ATP6V1H: variants seen among roughly 807,000 people sequenced by gnomAD.
ATP6V1H encodes V-type proton ATPase subunit H.
A neutral mutation model predicts 71.7 loss-of-function variants in ATP6V1H; 39 were observed. The observed-to-expected ratio is 0.54, with a 90% CI of 0.42 to 0.71. The LOEUF (loss-of-function observed/expected upper bound fraction) is 0.71, where lower values mean the gene tolerates loss of function less well. Ranked by LOEUF, ATP6V1H falls within the 30% of genes least tolerant of loss-of-function variation. ATP6V1H has a pLI of 0.00. For missense variants in ATP6V1H, 509 were observed against 594.9 expected (o/e 0.86, Z 1.50); for synonymous variants, 192 against 199.3 (o/e 0.96, Z 0.31).
At chr8:53,792,057 C>G (rs991956333) in intron 9 of ATP6V1H, among the ~76,000 whole-genome samples, 4 of 152,282 alleles carry the variant, frequency 2.6e-5, no homozygotes, top group Admixed American at 6.5e-5. Flanking sequence ...TACTAAAATA[C>G]TCCAAAGTAA....
intron 12 of ATP6V1H, among the ~76,000 whole-genome samples, chr8:53,750,773 T>C (rs761175716): frequency 6.6e-6 from 1 of 151,674 alleles, no homozygotes; most frequent in Non-Finnish European, 1.5e-5. Context: ...ATGACAAACA[T>C]GTTCTTAGAG....
chr8:53,830,800 C>T (rs962145451), intron 3 of ATP6V1H, among the ~76,000 whole-genome samples: 8 of 152,164 alleles, frequency 5.3e-5, no homozygotes, highest in Non-Finnish European at 8.8e-5. Flanking sequence ...AAAGTCTTGT[C>T]TTATTAACAC....
At chr8:53,818,977 G>A (rs530852046) in intron 4 of ATP6V1H, among the ~76,000 whole-genome samples, 1 of 152,060 alleles carries the variant, frequency 6.6e-6, no homozygotes, top group Non-Finnish European at 1.5e-5. Context: ...GAGGCCAAGT[G>A]GGAGGGCTGC....
intron 7 of ATP6V1H, among the ~76,000 whole-genome samples, chr8:53,802,466 C>T (rs1809944271): frequency 1.3e-5 from 2 of 152,208 alleles, no homozygotes; most frequent in Admixed American, 1.3e-4. Flanking sequence ...TGCCTGTAAT[C>T]CTACCACTTT....
intron 13 of ATP6V1H, among the ~76,000 whole-genome samples, chr8:53,717,094 T>C (rs1464356311): frequency 6.6e-6 from 1 of 152,196 alleles, no homozygotes; most frequent in Non-Finnish European, 1.5e-5. Flanking sequence ...GCCTATCAAC[T>C]GTGTGAGCAT....
intron 4 of ATP6V1H, among the ~76,000 whole-genome samples, chr8:53,828,618 C>T (rs1281815957): frequency 6.6e-6 from 1 of 152,142 alleles, no homozygotes; most frequent in Non-Finnish European, 1.5e-5. Flanking sequence ...ATTGATCCTT[C>T]CTCACATTAT....
intron 11 of ATP6V1H, among the ~76,000 whole-genome samples, chr8:53,758,199 A>C (rs1324162204): frequency 6.6e-6 from 1 of 152,226 alleles, no homozygotes; most frequent in Non-Finnish European, 1.5e-5. Flanking sequence ...ATTCAACTGA[A>C]ACATTTTGAT....
At position 53,715,889 on chromosome 8, in the gene ATP6V1H, T is replaced by C; in HGVS notation, c.*75A>G. The stretch of plus-strand genomic sequence containing the variant: ...AAATTCCAAGTAAAATCAAACAGTG[T>C]TCACTCTTAACTCTAAACACAGTGC... On this transcript the variant is annotated 3_prime_UTR_variant, in exon 14 of 14. Transcript: ENST00000359530. 1 of 1,279,838 alleles carries C rather than the reference T, an allele frequency of 7.8e-7. No individual in the cohort carries two copies. Among genetic ancestry groups the C allele is most frequent in the Non-Finnish European group, 1.1e-6 (1 of 917,668 alleles). 79.3% of individuals were successfully genotyped at this position (1,279,838 alleles called of 1,614,324 possible).
intron 7 of ATP6V1H, among the ~76,000 whole-genome samples, chr8:53,806,219 A>G (rs1472744845): frequency 1.3e-5 from 2 of 152,114 alleles, no homozygotes; most frequent in Non-Finnish European, 2.9e-5. Flanking sequence ...TCTCGTTAGC[A>G]AAGGAAAAGA....
At chr8:53,779,717 T>C (rs1409493982) in intron 9 of ATP6V1H, among the ~76,000 whole-genome samples, 1 of 152,160 alleles carries the variant, frequency 6.6e-6, no homozygotes, top group East Asian at 1.9e-4. Context: ...CTTATTTCTC[T>C]ACTAAACTTT....
At position 53,772,061 on chromosome 8, in the gene ATP6V1H, T is replaced by C. The variant is rs1440164315; in HGVS notation, c.977A>G (p.Tyr326Cys). 1.2e-6 allele frequency: 2 copies of C among 1,614,152 alleles called. No homozygotes were observed. The highest frequency in any genetic ancestry group is 8.5e-7 in the Non-Finnish European group (1 of 1,179,996). ...ATCTTCGCTGATATCTTCATCATCG[T>C]ACTTCTGCTGTTCCAAGTTCTCCAA... ...KQLENLEQQK[Y>C]DDEDISEDIK... The change falls in exon 10 of 14, where the codon TAC becomes TGC. Residue 326 changes from tyrosine (Y) to cysteine (C), a missense_variant. By Grantham distance (194) the Tyr-to-Cys change is radical. Transcript: ENST00000359530.
chr8:53,841,758 C>T (rs899804617), intron 1 of ATP6V1H, 33 bp from the exon 2 acceptor site: 21 of 1,566,438 alleles, frequency 1.3e-5, no homozygotes, highest in South Asian at 2.4e-5. Context: ...AAACAGAATA[C>T]GAGGTGTTTC....
At chr8:53,821,310 T>G (rs1274966754) in intron 4 of ATP6V1H, among the ~76,000 whole-genome samples, 1 of 148,578 alleles carries the variant, frequency 6.7e-6, no homozygotes, top group East Asian at 2.0e-4. Context: ...GAGGTGGAGG[T>G]TGCAGTGGGC....
chr8:53,812,400 T>G (rs1810306386), intron 6 of ATP6V1H, among the ~76,000 whole-genome samples: 1 of 152,258 alleles, frequency 6.6e-6, no homozygotes, highest in Non-Finnish European at 1.5e-5. Flanking sequence ...ATGAAAACTA[T>G]TCTAGACATT....
chr8:53,725,327 C>A (rs1200028077), intron 13 of ATP6V1H, among the ~76,000 whole-genome samples: 2 of 152,098 alleles, frequency 1.3e-5, no homozygotes, highest in African/African-American at 4.8e-5. Flanking sequence ...AGAGTCCTCA[C>A]CAACAAGAAG....
intron 4 of ATP6V1H, among the ~76,000 whole-genome samples, chr8:53,823,051 A>C (rs1219473784): frequency 6.6e-6 from 1 of 152,076 alleles, no homozygotes; most frequent in Non-Finnish European, 1.5e-5. Context: ...TTAACATACC[A>C]CTCTTAGTAC....
chr8:53,725,849 G>A (rs1226983479), intron 13 of ATP6V1H, among the ~76,000 whole-genome samples: 1 of 152,030 alleles, frequency 6.6e-6, no homozygotes, highest in East Asian at 1.9e-4. Flanking sequence ...TTTATAAAGA[G>A]CTCTAAGTTT....
rs748419080 is a variant in ATP6V1H, at chr8:53,716,022, T to A, written c.1394A>T (p.Glu465Val). The change falls in exon 14 of 14, where the codon GAA becomes GTA. Residue 465 changes from glutamate (E) to valine (V), a missense_variant and splice_region_variant. This residue lies in a region of ATP6V1H where 212 missense variants were observed against 291.6 expected (regional missense o/e 0.73). Transcript: ENST00000359530. Reference protein sequence around the residue: ...AVQKLMVHNWEYLGKQLQSEQ... With the variant: ...AVQKLMVHNWVYLGKQLQSEQ... ...GGACTGGAGCTGCTTGCCAAGGTAT[T>A]CCCTGAAAAAAAAGAATGAAGTAAG... 3 of 1,604,304 alleles carry A rather than the reference T, an allele frequency of 1.9e-6. No homozygotes were observed. The highest frequency in any genetic ancestry group is 2.3e-5 in the South Asian group (2 of 88,242).
intron 1 of ATP6V1H, 128 bp downstream of exon 1, chr8:53,842,906 C>CG (rs1320404756): frequency 6.6e-6 from 1 of 152,496 alleles, no homozygotes; most frequent in Non-Finnish European, 1.5e-5. Flanking sequence ...ATCTGGCAAC[C>CG]GGGGGCCGAA....
Sources: gnomAD v4.1 joint callset for allele counts (sites outside exome capture counted in the v4.1 genomes callset) on GRCh38, gnomAD v4.1.1 for gene constraint, gnomAD v4.1.1 regional missense constraint, MANE v1.5 for transcripts, NCBI Gene and HGNC (gene_info 2026-07-23, HGNC 2026-07-21) for gene names.